EVL: variants seen among roughly 807,000 people sequenced by gnomAD.
The protein encoded by EVL is ena/VASP-like protein.
EVL carries 21 observed loss-of-function variants against 59.6 expected under a neutral mutation model. The ratio of observed to expected loss-of-function variants is 0.35; its 90% confidence interval spans 0.25 to 0.51. EVL has a LOEUF of 0.51. Ranked by LOEUF, EVL falls within the 20% of genes least tolerant of loss-of-function variation. The pLI is 0.97. For missense variants in EVL, 462 were observed against 546.6 expected (o/e 0.85, Z 1.54); for synonymous variants, 198 against 203.5 (o/e 0.97, Z 0.23).
chr14:99,971,461 C>T (rs948503974), exon 1 of EVL: 6 of 151,972 alleles, frequency 3.9e-5, no homozygotes, highest in African/African-American at 1.4e-4. Flanking sequence ...TGGGGCCCCG[C>T]GCCTTTTGTG....
intron 1 of EVL, among the ~76,000 whole-genome samples, chr14:99,990,821 A>T (rs925194389): frequency 6.6e-6 from 1 of 152,168 alleles, no homozygotes; most frequent in Admixed American, 6.5e-5. Flanking sequence ...GAGCATGAGT[A>T]TGCAGATATC....
At chr14:100,123,980 G>A (rs538802246) in intron 4 of EVL, among the ~76,000 whole-genome samples, 21 of 152,310 alleles carry the variant, frequency 1.4e-4, no homozygotes, top group Middle Eastern at 6.8e-3. Context: ...GGGCAGTCAC[G>A]CCCATGGGAT....
At chr14:100,038,679 T>C (rs1413015761) in intron 1 of EVL, among the ~76,000 whole-genome samples, 1 of 152,160 alleles carries the variant, frequency 6.6e-6, no homozygotes, top group Non-Finnish European at 1.5e-5. Flanking sequence ...TTCACTGATA[T>C]CCCTCAACTC....
At chr14:99,996,937 A>G (rs2140182144) in intron 1 of EVL, among the ~76,000 whole-genome samples, 1 of 152,348 alleles carries the variant, frequency 6.6e-6, no homozygotes, top group African/African-American at 2.4e-5. Flanking sequence ...GACGTGAGCC[A>G]CTGCGCTCGG....
intron 1 of EVL, among the ~76,000 whole-genome samples, chr14:100,057,788 G>A (rs1251597692): frequency 2.6e-5 from 4 of 152,200 alleles, no homozygotes; most frequent in Admixed American, 2.6e-4. Context: ...TGAGGTTCTA[G>A]GAGTCAAATA....
At chr14:100,019,768 C>T in intron 1 of EVL, 12 of 1,359,590 alleles carry the variant, frequency 8.8e-6, no homozygotes, top group Non-Finnish European at 1.1e-5. Context: ...ACAGCTTAGG[C>T]TCTGGCTGGT....
At chr14:100,010,158 T>G (rs987969236) in intron 1 of EVL, among the ~76,000 whole-genome samples, 2 of 152,224 alleles carry the variant, frequency 1.3e-5, no homozygotes, top group Non-Finnish European at 1.5e-5. Context: ...CAAGAGACTT[T>G]GCAGGGCAAT....
At chr14:100,057,343 G>A (rs915610449) in intron 1 of EVL, among the ~76,000 whole-genome samples, 17 of 152,182 alleles carry the variant, frequency 1.1e-4, no homozygotes. Flanking sequence ...AGATATCGGT[G>A]AAGAGCCATA....
intron 1 of EVL, among the ~76,000 whole-genome samples, chr14:100,023,196 C>T (rs1054123038): frequency 1.4e-5 from 2 of 138,208 alleles, no homozygotes; most frequent in African/African-American, 5.8e-5. Context: ...TCCTTTTGCC[C>T]TTTTTTTTTT....
At chr14:100,098,825 C>A (rs571171251) in intron 3 of EVL, among the ~76,000 whole-genome samples, 1 of 152,244 alleles carries the variant, frequency 6.6e-6, no homozygotes, top group Non-Finnish European at 1.5e-5. Flanking sequence ...TGTTTTTGTG[C>A]CTCAATTTCC....
rs562861524 is a variant in EVL, at chr14:100,130,122, C to G, written c.839+438C>G. Among the ~76,000 whole-genome samples the G allele has an allele frequency of 3.3e-4, 50 of 152,356 alleles. No homozygotes were observed. Among genetic ancestry groups the G allele is most frequent in the African/African-American group, 1.1e-3 (47 of 41,580 alleles). ...TCTCCAGGGTTCTTTATGGAGGACTCAGGAGAAGGAGTTATGAAGGGTAGG... is the reference window on the plus strand; with the variant it reads ...TCTCCAGGGTTCTTTATGGAGGACTGAGGAGAAGGAGTTATGAAGGGTAGG... On this transcript the variant is annotated intron_variant, in intron 7 of 13. Transcript: ENST00000392920. The surrounding 1 kb of genome is among the most constrained non-coding windows in gnomAD (Gnocchi z 4.8).
intron 1 of EVL, among the ~76,000 whole-genome samples, chr14:100,057,445 T>A (rs978250906): frequency 6.6e-6 from 1 of 152,178 alleles, no homozygotes; most frequent in African/African-American, 2.4e-5. Context: ...ACTCTGGAAA[T>A]AAAACATTTT....
chr14:100,094,759 G>A (rs1274342295), intron 2 of EVL, among the ~76,000 whole-genome samples: 1 of 132,004 alleles, frequency 7.6e-6, no homozygotes, highest in Non-Finnish European at 1.6e-5. Context: ...ACCATACTAC[G>A]GGCCAGGCAC....
chr14:100,063,155 G>T (rs1057487046), upstream of EVL, among the ~76,000 whole-genome samples: 1 of 152,218 alleles, frequency 6.6e-6, no homozygotes, highest in Non-Finnish European at 1.5e-5. Context: ...CTGCAGACGT[G>T]ATTAAAGTTG....
chr14:99,973,587 C>T (rs545629508), intron 1 of EVL, among the ~76,000 whole-genome samples: 4 of 152,126 alleles, frequency 2.6e-5, no homozygotes, highest in South Asian at 2.1e-4. Context: ...CTCAGCTTCC[C>T]GAGTAGCTGG....
chr14:100,095,486 T>C lies in EVL; in HGVS notation c.181-1995T>C, dbSNP rs142035872. ...TTGCTGGTTCTTATTATTTGGTAGT[T>C]ATTAGTTACTAGTTATTATTTGCTA... On this transcript the variant is annotated intron_variant, in intron 2 of 13. Transcript: ENST00000392920. 2.0e-4 allele frequency among the ~76,000 whole-genome samples: 30 copies of C among 152,364 alleles called. 1 individual carries two copies. In the South Asian group the frequency reaches 2.3e-3, roughly 12 times the overall value.
At chr14:100,141,927 T>C in intron 13 of EVL, 134 bp downstream of exon 13, 1 of 648,346 alleles carries the variant, frequency 1.5e-6, no homozygotes, top group Non-Finnish European at 2.4e-6. Flanking sequence ...GATTTCATTC[T>C]TACCATCTCT....
chr14:100,027,135 C>G (rs1464897789), intron 1 of EVL, among the ~76,000 whole-genome samples: 1 of 152,044 alleles, frequency 6.6e-6, no homozygotes, highest in Non-Finnish European at 1.5e-5. Flanking sequence ...CTAAGTATAC[C>G]TATTTATGGG....
intron 1 of EVL, among the ~76,000 whole-genome samples, chr14:100,006,283 C>CT (rs1195149750): frequency 0.047 from 6,235 of 132,158 alleles, 379 homozygotes; most frequent in African/African-American, 0.13. Flanking sequence ...GGTTGTTAAT[C>CT]TTTTTTTTTT....
Sources: gnomAD v4.1 joint callset for allele counts (sites outside exome capture counted in the v4.1 genomes callset) on GRCh38, gnomAD v4.1.1 for gene constraint, Gnocchi (gnomAD v3.1) non-coding constraint, MANE v1.5 for transcripts, NCBI Gene and HGNC (gene_info 2026-07-23, HGNC 2026-07-21) for gene names.